CTNND2: variants seen among roughly 807,000 people sequenced by gnomAD.
The protein encoded by CTNND2 is catenin delta 2, also known as catenin delta-2.
CTNND2 carries 22 observed loss-of-function variants against 144.4 expected under a neutral mutation model. That is an observed-to-expected ratio of 0.15 (90% CI 0.11 to 0.22). The LOEUF is 0.22. CTNND2 is among the 10% of genes least tolerant of loss of function. The pLI is 1.00. For missense variants in CTNND2, 1,353 were observed against 1,618.8 expected (o/e 0.84, Z 2.82); for synonymous variants, 751 against 695.6 (o/e 1.08, Z -1.25).
chr5:11,428,607 A>G (rs369872716), intron 3 of CTNND2, among the ~76,000 whole-genome samples: 1 of 152,232 alleles, frequency 6.6e-6, no homozygotes, highest in Non-Finnish European at 1.5e-5. Context: ...TTGCATTGGG[A>G]AGCTCTGTTC....
intron 1 of CTNND2, among the ~76,000 whole-genome samples, chr5:11,819,794 T>C (rs889499034): frequency 6.6e-6 from 1 of 152,166 alleles, no homozygotes; most frequent in African/African-American, 2.4e-5. Context: ...TGGAAGTTTA[T>C]GATATTCCCT....
intron 3 of CTNND2, among the ~76,000 whole-genome samples, chr5:11,477,464 T>A (rs985985058): frequency 1.2e-4 from 19 of 152,012 alleles, no homozygotes; most frequent in African/African-American, 4.6e-4. Context: ...CAGGTTGAAG[T>A]AGAGTGGCTT....
At chr5:11,332,662 A>G (rs1753293997) in intron 9 of CTNND2, among the ~76,000 whole-genome samples, 1 of 152,172 alleles carries the variant, frequency 6.6e-6, no homozygotes. Context: ...CATCCCCAGG[A>G]AACCACTATT....
At chr5:11,636,730 GC>G (rs1288461150) in intron 2 of CTNND2, among the ~76,000 whole-genome samples, 1 of 152,204 alleles carries the variant, frequency 6.6e-6, no homozygotes. Flanking sequence ...TTGGCAGCCA[GC>G]TGAAGTGCAA....
chr5:11,277,870 A>C (rs993246903), intron 9 of CTNND2, among the ~76,000 whole-genome samples: 3 of 152,024 alleles, frequency 2.0e-5, no homozygotes, highest in African/African-American at 7.2e-5. Flanking sequence ...GGAAACAACA[A>C]TACCCAAGTG....
chr5:11,737,726 A>C (rs544885552), intron 1 of CTNND2, among the ~76,000 whole-genome samples: 1 of 152,284 alleles, frequency 6.6e-6, no homozygotes, highest in East Asian at 1.9e-4. Context: ...GATTAAGGTT[A>C]AATGGGGTCA....
intron 21 of CTNND2, among the ~76,000 whole-genome samples, chr5:10,974,168 A>ATAG (rs1460424080): frequency 6.6e-6 from 1 of 152,188 alleles, no homozygotes; most frequent in African/African-American, 2.4e-5. Flanking sequence ...TCTGCCTAAT[A>ATAG]TAGGCACTGC....
intron 9 of CTNND2, among the ~76,000 whole-genome samples, chr5:11,316,402 T>A (rs941679634): frequency 6.6e-6 from 1 of 151,874 alleles, no homozygotes; most frequent in Non-Finnish European, 1.5e-5. Flanking sequence ...ATCTAAGCAC[T>A]TTAGATGTAT....
At chr5:11,110,819 A>C in intron 14 of CTNND2, 39 bp downstream of exon 14, 1 of 1,565,498 alleles carries the variant, frequency 6.4e-7, no homozygotes, top group Non-Finnish European at 8.7e-7. Context: ...GCAATTAGGA[A>C]GGGGATAATT....
intron 2 of CTNND2, among the ~76,000 whole-genome samples, chr5:11,615,704 G>A (rs532725321): frequency 1.7e-4 from 26 of 152,286 alleles, no homozygotes; most frequent in African/African-American, 6.0e-4. Context: ...TCTCTCTCCA[G>A]TGTGTCACAT....
chr5:10,999,325 A>G (rs1024490706), intron 18 of CTNND2, among the ~76,000 whole-genome samples: 19 of 152,122 alleles, frequency 1.2e-4, no homozygotes, highest in African/African-American at 4.1e-4. Flanking sequence ...TTCAATCATT[A>G]TTTGCCTCTT....
chr5:11,283,551 G>C (rs1250846487), intron 9 of CTNND2, among the ~76,000 whole-genome samples: 1 of 151,762 alleles, frequency 6.6e-6, no homozygotes, highest in Non-Finnish European at 1.5e-5. Context: ...GCACCTGCCT[G>C]TAGTCCCAGC....
intron 1 of CTNND2, among the ~76,000 whole-genome samples, chr5:11,862,990 T>C (rs1230261749): frequency 2.6e-5 from 4 of 152,204 alleles, no homozygotes; most frequent in African/African-American, 9.6e-5. Context: ...ATTCAACGTA[T>C]ACAGCTCAGA....
intron 1 of CTNND2, among the ~76,000 whole-genome samples, chr5:11,787,702 G>C (rs753655125): frequency 1.5e-5 from 1 of 67,472 alleles, no homozygotes; most frequent in Non-Finnish European, 2.9e-5. Flanking sequence ...CTCTGAATGT[G>C]TATGTCCATG....
At chr5:11,017,850 T>C (rs949415002) in intron 18 of CTNND2, 124 bp downstream of exon 18, 3 of 728,308 alleles carry the variant, frequency 4.1e-6, no homozygotes, top group Non-Finnish European at 4.8e-6. Flanking sequence ...GCTTCTTCAC[T>C]GATTCTCGTT....
intron 2 of CTNND2, among the ~76,000 whole-genome samples, chr5:11,613,392 T>C (rs564343984): frequency 2.6e-5 from 4 of 152,310 alleles, no homozygotes; most frequent in African/African-American, 9.6e-5. Flanking sequence ...TTATGAGAGA[T>C]GTAAGCAAAC....
At chr5:11,128,665 A>C (rs1754931289) in intron 12 of CTNND2, among the ~76,000 whole-genome samples, 1 of 136,562 alleles carries the variant, frequency 7.3e-6, no homozygotes, top group African/African-American at 2.7e-5. Flanking sequence ...GCAAGTTTCA[A>C]GAAGAGTTTT....
chr5:11,257,372 T>C (rs1744366935), intron 9 of CTNND2, among the ~76,000 whole-genome samples: 1 of 152,162 alleles, frequency 6.6e-6, no homozygotes, highest in Non-Finnish European at 1.5e-5. Flanking sequence ...ACTGTATTAG[T>C]CCATTCTCAT....
intron 9 of CTNND2, among the ~76,000 whole-genome samples, chr5:11,288,819 C>G (rs1748011570): frequency 6.9e-6 from 1 of 145,966 alleles, no homozygotes; most frequent in Admixed American, 6.8e-5. Flanking sequence ...AAAAAGAAAA[C>G]CAAAAAAGAA....
Sources: gnomAD v4.1 joint callset for allele counts (sites outside exome capture counted in the v4.1 genomes callset) on GRCh38, gnomAD v4.1.1 for gene constraint, MANE v1.5 for transcripts, NCBI Gene and HGNC (gene_info 2026-07-23, HGNC 2026-07-21) for gene names.